The following RYR3 variants were observed in gnomAD, a reference collection of about 807,000 sequenced individuals.
RYR3 encodes the protein brain ryanodine receptor-calcium release channel.
In RYR3, 207 loss-of-function variants were observed where a neutral mutation model predicts 584.3. That is an observed-to-expected ratio of 0.35 (90% CI 0.32 to 0.40). RYR3 has a LOEUF of 0.40. RYR3 is among the 10% of genes least tolerant of loss of function. RYR3 has a pLI of 1.00. For synonymous variants in RYR3, 2,416 were observed against 2,248.5 expected (o/e 1.07, Z -2.11); for missense variants, 5,616 against 6,089.2 (o/e 0.92, Z 2.59).
chr15:33,650,746 T>C (rs2062418460), intron 31 of RYR3, among the ~76,000 whole-genome samples: 2 of 152,218 alleles, frequency 1.3e-5, no homozygotes, highest in Non-Finnish European at 2.9e-5. Context: ...TTGCACTCTG[T>C]GAACACTGTA....
intron 60 of RYR3, among the ~76,000 whole-genome samples, chr15:33,758,452 T>C (rs1255331693): frequency 6.6e-6 from 1 of 152,062 alleles, no homozygotes; most frequent in African/African-American, 2.4e-5. Context: ...TCGGGCTTGG[T>C]TGGGGGAGGG....
At chr15:33,856,652 TTG>T (rs1555495222) in intron 98 of RYR3, 6 of 154,344 alleles carry the variant, frequency 3.9e-5, no homozygotes, top group Non-Finnish European at 8.5e-5. Flanking sequence ...TTTGGGTTTT[TTG>T]TTTGTTTGTT....
chr15:33,829,411 G>C (rs867775137), intron 85 of RYR3, among the ~76,000 whole-genome samples: 23 of 152,102 alleles, frequency 1.5e-4, no homozygotes, highest in African/African-American at 5.6e-4. Flanking sequence ...GGCACGGTAA[G>C]TTGAAAACCT....
chr15:33,353,294 C>CT (rs1488385914), intron 1 of RYR3, among the ~76,000 whole-genome samples: 1 of 152,126 alleles, frequency 6.6e-6, no homozygotes, highest in East Asian at 1.9e-4. Context: ...GATTTGATAA[C>CT]TTTTTTGCTT....
In RYR3 at chr15:33,838,396, C is replaced by T. The variant is rs2078166090; in HGVS notation, c.12416C>T (p.Ala4139Val). 6.2e-7 allele frequency: 1 copy of T among 1,613,864 alleles called. No individual in the cohort carries two copies. Among genetic ancestry groups the T allele is most frequent in the Admixed American group, 1.7e-5 (1 of 60,004 alleles). Residue 4139 changes from alanine to valine, a missense_variant, in exon 89 of 104, where the codon GCC becomes GTC. By Grantham distance (64) the Ala-to-Val change is moderately conservative. Around this residue, in one of 9 missense-constraint regions of RYR3, gnomAD observed 258 missense variants for 297.3 expected, o/e 0.87. Coordinates refer to ENST00000634891, the MANE Select transcript of RYR3 (RefSeq NM_001036.6). ...GAAGAAGACGGGTCTCTTGAGCCGG[C>T]CTCTGCATTTGCTATGGCCTGTGCC... ...EEEEDGSLEP[A>V]SAFAMACASV...
intron 57 of RYR3, among the ~76,000 whole-genome samples, chr15:33,753,835 A>G (rs1044257456): frequency 6.6e-6 from 1 of 152,192 alleles, no homozygotes; most frequent in African/African-American, 2.4e-5. Context: ...CTGTGGTGTG[A>G]TTTGCTGATA....
rs76598014 is a variant in RYR3, at chr15:33,691,411, G to C, written c.5861-4807G>C. Among the ~76,000 whole-genome samples, 970 of 152,300 alleles carry C rather than the reference G, an allele frequency of 6.4e-3. 7 individuals carry two copies. Among genetic ancestry groups the C allele is most frequent in the African/African-American group, 0.022 (918 of 41,548 alleles). ...GTACTGGGAAGCTGTCGAGCTCCCAGTGGCAGCTAAACATTTTTCAAAATT... is the reference window on the plus strand; with the variant it reads ...GTACTGGGAAGCTGTCGAGCTCCCACTGGCAGCTAAACATTTTTCAAAATT... On this transcript the variant is annotated intron_variant, in intron 38 of 103. Coordinates refer to ENST00000634891, the MANE Select transcript of RYR3 (RefSeq NM_001036.6).
chr15:33,510,866 T>C (rs1164955106), intron 3 of RYR3, among the ~76,000 whole-genome samples: 1 of 152,172 alleles, frequency 6.6e-6, no homozygotes, highest in African/African-American at 2.4e-5. Flanking sequence ...TTTTAGGATT[T>C]TATGCTGATA....
At chr15:33,453,910 G>T (rs1046287497) in intron 1 of RYR3, among the ~76,000 whole-genome samples, 1 of 152,054 alleles carries the variant, frequency 6.6e-6, no homozygotes, top group Admixed American at 6.5e-5. Context: ...CTTTTCATTG[G>T]GTCCTTTCCT....
At position 33,838,955 on chromosome 15, in the gene RYR3, T is replaced by G. The variant is rs1159495752; in HGVS notation, c.12975T>G (p.Ala4325=). ...LESTVQKKRK[A]QAAEMKAANE... ...GTACTGTACAGAAGAAGAGGAAAGC[T>G]CAGGTAAGTGTCATTTGTTTCTTTC... Residue 4325 remains alanine, a synonymous_variant, in exon 89 of 104, where the codon GCT becomes GCG. Transcript: ENST00000634891. The G allele has an allele frequency of 2.5e-6, 4 of 1,603,666 alleles. No homozygotes were observed. Among genetic ancestry groups the G allele is most frequent in the Non-Finnish European group, 1.7e-6 (2 of 1,175,958 alleles).
rs1346377751 is a variant in RYR3, at chr15:33,748,125, T to G, written c.8001T>G (p.Ile2667Met). 3 of 1,613,722 alleles carry G rather than the reference T, an allele frequency of 1.9e-6. No homozygotes were observed. The highest frequency in any genetic ancestry group is 1.7e-5 in the Admixed American group (1 of 60,022). Residue 2667 changes from isoleucine (I) to methionine (M), a missense_variant, in exon 54 of 104, where the codon ATT (isoleucine) becomes ATG (methionine). Physicochemically the swap from Ile to Met is conservative, Grantham distance 10. This residue lies in a region of RYR3 where 1,280 missense variants were observed against 1,426.2 expected (regional missense o/e 0.90). Transcript: ENST00000634891. ...AAATTCTCTTCTAGGAGAAGGAAAT[T>G]TATCGCTGGCCTGCGCGAGAGTCCC... is the stretch of plus-strand genomic sequence containing the variant. ...FKTLTEKEKE[I>M]YRWPARESLK...
At chr15:33,864,078 C>G (rs766418363) in intron 102 of RYR3, 60 bp from the exon 103 acceptor site, 10 of 1,253,932 alleles carry the variant, frequency 8.0e-6, no homozygotes, top group South Asian at 1.3e-5. Context: ...CACAGTTAAT[C>G]CATGCGAATG....
intron 80 of RYR3, among the ~76,000 whole-genome samples, chr15:33,822,017 C>CATTCATTCATTCATTCATTCATT (rs2077134217): frequency 6.6e-6 from 1 of 151,414 alleles, no homozygotes; most frequent in Non-Finnish European, 1.5e-5. Flanking sequence ...GTTCGTTCAT[C>CATTCATTCATTCATTCATTCATT]CATTCATTCA....
At chr15:33,832,656 C>CA (rs34289866) in intron 86 of RYR3, among the ~76,000 whole-genome samples, 24,243 of 111,938 alleles carry the variant, frequency 0.22, 2,377 homozygotes, top group East Asian at 0.37. Flanking sequence ...GACTCTGTCT[C>CA]AAAAAAAAAA....
chr15:33,748,588 A>C, intron 55 of RYR3, 58 bp downstream of exon 55: 3 of 1,389,834 alleles, frequency 2.2e-6, no homozygotes, highest in Non-Finnish European at 2.0e-6. Flanking sequence ...TTACCTTCCA[A>C]AGAGTTAAAG....
chr15:33,740,274 A>T (rs116043442), intron 51 of RYR3, among the ~76,000 whole-genome samples: 2,900 of 152,292 alleles, frequency 0.019, 106 homozygotes, highest in African/African-American at 0.066. Context: ...CACTGAGAGA[A>T]CTACCCTGAC....
At chr15:33,525,173 G>T (rs1042377958) in intron 3 of RYR3, among the ~76,000 whole-genome samples, 11 of 152,058 alleles carry the variant, frequency 7.2e-5, no homozygotes, top group Non-Finnish European at 7.4e-5. Flanking sequence ...TTTGCCATCC[G>T]CATCTCACAG....
chr15:33,616,398 C>A (rs2060454929), intron 19 of RYR3, among the ~76,000 whole-genome samples: 1 of 152,078 alleles, frequency 6.6e-6, no homozygotes, highest in African/African-American at 2.4e-5. Flanking sequence ...TTGGAATCCT[C>A]TTGACAAGAA....
rs575926182 is a variant in RYR3 at position 33,777,084 on chromosome 15, A to C, written c.9138-3127A>C. Among the ~76,000 whole-genome samples, 79 of 152,372 alleles carry C rather than the reference A, an allele frequency of 5.2e-4. 1 individual carries two copies. Among genetic ancestry groups the C allele is most frequent in the Non-Finnish European group, 1.1e-3 (72 of 68,038 alleles). ...CATGCCATAGTCCTAACTATTCAAG[A>C]GGCTGAGGTGGGAGGATTGTGTGAG... On this transcript the variant is annotated intron_variant, in intron 64 of 103. Coordinates refer to ENST00000634891, the MANE Select transcript of RYR3 (RefSeq NM_001036.6).
Sources: allele counts gnomAD v4.1 joint callset (sites outside exome capture counted in the v4.1 genomes callset), GRCh38; gene constraint gnomAD v4.1.1; regional missense constraint gnomAD v4.1.1; transcripts MANE v1.5; gene names NCBI Gene and HGNC (gene_info 2026-07-23, HGNC 2026-07-21).